The following MYO1B variants were observed in gnomAD, a reference collection of about 807,000 sequenced individuals.
MYO1B encodes unconventional myosin-Ib.
MYO1B carries 72 observed loss-of-function variants against 159.7 expected under a neutral mutation model. That is an observed-to-expected ratio of 0.45 (90% CI 0.37 to 0.55). The LOEUF (loss-of-function observed/expected upper bound fraction) is 0.55. MYO1B is among the 20% of genes least tolerant of loss of function. The pLI, the probability that MYO1B is intolerant of heterozygous loss-of-function variation, is 0.00. For missense variants in MYO1B, 1,062 were observed against 1,364.8 expected (o/e 0.78, Z 3.50); for synonymous variants, 468 against 473.8 (o/e 0.99, Z 0.16).
Position 191,414,133 on chromosome 2 carries a change from A to G in MYO1B, c.2959A>G (p.Ile987Val), listed in dbSNP as rs143250544. ...ACTCAAAGATGCCATTGAAGAAAAG[A>G]TCATCATTGCTGAAGTCGTGAACAA... is the stretch of plus-strand genomic sequence containing the variant. Reference protein sequence around the residue: ...KKLKDAIEEKIIIAEVVNKIN... With the variant: ...KKLKDAIEEKVIIAEVVNKIN... The change falls in exon 28 of 31, where the codon ATC becomes GTC. Residue 987 changes from isoleucine (I) to valine (V), a missense_variant. This residue lies in a region of MYO1B where 609 missense variants were observed against 744.4 expected (regional missense o/e 0.82). Coordinates refer to ENST00000392318, the MANE Select transcript of MYO1B (RefSeq NM_001130158.3). 11 of 1,613,646 alleles carry G rather than the reference A, an allele frequency of 6.8e-6. No individual in the cohort carries two copies. The African/African-American group carries it at 1.5e-4, about 22-fold the overall frequency.
chr2:191,256,484 C>A (rs2125675476), intron 1 of MYO1B, among the ~76,000 whole-genome samples: 1 of 152,242 alleles, frequency 6.6e-6, no homozygotes. Flanking sequence ...CCTCCTCCCC[C>A]ACACCAGATA....
At chr2:191,350,645 A>T (rs1171963000) in intron 7 of MYO1B, among the ~76,000 whole-genome samples, 1 of 152,116 alleles carries the variant, frequency 6.6e-6, no homozygotes, top group Admixed American at 6.5e-5. Context: ...ATTCAATAAA[A>T]GGAGTAGACC....
At chr2:191,294,564 C>T (rs969125063) in intron 2 of MYO1B, among the ~76,000 whole-genome samples, 29 of 152,156 alleles carry the variant, frequency 1.9e-4, no homozygotes, top group Admixed American at 1.4e-3. Flanking sequence ...GAGACATCTC[C>T]CATCTCCTAG....
intron 4 of MYO1B, among the ~76,000 whole-genome samples, chr2:191,330,337 G>A (rs1303157493): frequency 6.6e-6 from 1 of 152,148 alleles, no homozygotes; most frequent in African/African-American, 2.4e-5. Context: ...TGCTGTTACA[G>A]ATTCAAACTG....
rs374174974 is a variant in MYO1B at position 191,278,483 on chromosome 2, AGTC to A, written c.135+1454_135+1456del. 6.0e-3 allele frequency among the ~76,000 whole-genome samples: 915 copies of A among 152,366 alleles called. 3 individuals are homozygous for A. The highest frequency in any genetic ancestry group is 9.5e-3 in the South Asian group (46 of 4,832). Reference sequence around the variant, plus strand: ...TTGAGTAATGTATTTATGAGATAGTAGTCATCCTCTAGGAATTGACCTTTTCAT... The same window carrying A: ...TTGAGTAATGTATTTATGAGATAGTAATCCTCTAGGAATTGACCTTTTCAT... On this transcript the variant is annotated intron_variant, in intron 2 of 30. Transcript: ENST00000392318.
At position 191,341,518 on chromosome 2, in the gene MYO1B, TTAA is replaced by T; in HGVS notation, c.406_408del (p.Asn136del). On this transcript the variant is annotated inframe_deletion, in exon 5 of 31. Coordinates refer to ENST00000392318, the MANE Select transcript of MYO1B (RefSeq NM_001130158.3). ...GCTGTTTGTGGAAAAGGAGCAGAAG[TTAA>T]TCAAGTTAAAGAACAGCTTTTACAG... 1.2e-6 allele frequency: 2 copies of T among 1,614,054 alleles called. No individual in the cohort carries two copies. The highest frequency in any genetic ancestry group is 1.7e-6 in the Non-Finnish European group (2 of 1,179,960).
At chr2:191,387,726 TTTA>T (rs1357478742) in intron 17 of MYO1B, 14 of 431,476 alleles carry the variant, frequency 3.2e-5, no homozygotes, top group African/African-American at 5.9e-5. Flanking sequence ...TTTCTGTATG[TTTA>T]TTATTATTTT....
chr2:191,400,437 C>T lies in MYO1B; in HGVS notation c.2351C>T (p.Thr784Met), dbSNP rs761604958. 77 of 1,613,988 alleles carry T rather than the reference C, an allele frequency of 4.8e-5. No homozygotes were observed. Among genetic ancestry groups the T allele is most frequent in the Non-Finnish European group, 6.3e-5 (74 of 1,180,024 alleles). Residue 784 changes from threonine to methionine, a missense_variant, in exon 22 of 31, where the codon ACG becomes ATG. This residue lies in a region of MYO1B where 609 missense variants were observed against 744.4 expected (regional missense o/e 0.82). Transcript: ENST00000392318. ...KHQKRCKEAV[T>M]TIAAYWHGTQ... The stretch of plus-strand genomic sequence containing the variant: ...CAAAAGCGCTGTAAGGAAGCAGTCA[C>T]GACCATTGCTGCATATTGGCATGGG...
intron 3 of MYO1B, among the ~76,000 whole-genome samples, chr2:191,313,780 A>G (rs947258553): frequency 6.6e-6 from 1 of 152,148 alleles, no homozygotes; most frequent in Non-Finnish European, 1.5e-5. Context: ...CAGCCTCCCA[A>G]AGTGCTGAGA....
chr2:191,400,971 C>A, intron 23 of MYO1B, 136 bp downstream of exon 23: 1 of 784,934 alleles, frequency 1.3e-6, no homozygotes, highest in Non-Finnish European at 2.0e-6. Flanking sequence ...CCAGATTTAA[C>A]ACACCTGGAA....
chr2:191,351,554 A>T (rs1692927219), intron 7 of MYO1B, among the ~76,000 whole-genome samples: 1 of 152,210 alleles, frequency 6.6e-6, no homozygotes, highest in South Asian at 2.1e-4. Flanking sequence ...GATGAATTCC[A>T]TGGTTCTTCC....
At chr2:191,415,743 G>C (rs1188873571) in intron 29 of MYO1B, among the ~76,000 whole-genome samples, 1 of 152,166 alleles carries the variant, frequency 6.6e-6, no homozygotes, top group East Asian at 1.9e-4. Flanking sequence ...TCCTTCAGAA[G>C]AGTTGCGGGA....
At chr2:191,394,816 A>G (rs1695967452) in intron 20 of MYO1B, among the ~76,000 whole-genome samples, 1 of 152,252 alleles carries the variant, frequency 6.6e-6, no homozygotes, top group South Asian at 2.1e-4. Flanking sequence ...GTCACGATTT[A>G]TCATTAGTTC....
intron 2 of MYO1B, among the ~76,000 whole-genome samples, chr2:191,282,157 CT>C (rs1233149351): frequency 1.3e-5 from 2 of 152,080 alleles, no homozygotes; most frequent in Admixed American, 1.3e-4. Context: ...ATCTCTGTTC[CT>C]GGGAATTTGG....
intron 1 of MYO1B, among the ~76,000 whole-genome samples, chr2:191,266,073 C>T (rs1432691179): frequency 2.6e-5 from 4 of 152,154 alleles, no homozygotes; most frequent in African/African-American, 9.7e-5. Context: ...TGCCATGACT[C>T]TGTAGAGCTT....
rs191781379 is a variant in MYO1B, at chr2:191,279,465, A to G, written c.135+2435A>G. ...ATAGGGCATGGGGACAGGGAAGGTT[A>G]CTCTTTTAGACCTCTGTATTGTAGG... is the stretch of plus-strand genomic sequence containing the variant. On this transcript the variant is annotated intron_variant, in intron 2 of 30. Coordinates refer to ENST00000392318, the MANE Select transcript of MYO1B (RefSeq NM_001130158.3). Among the ~76,000 whole-genome samples the G allele has an allele frequency of 1.6e-4, 25 of 151,998 alleles. No individual in the cohort carries two copies. The East Asian group carries it at 4.8e-3, about 29-fold the overall frequency.
At chr2:191,374,566 C>A (rs1459990887) in intron 13 of MYO1B, among the ~76,000 whole-genome samples, 1 of 152,174 alleles carries the variant, frequency 6.6e-6, no homozygotes, top group Admixed American at 6.5e-5. Flanking sequence ...GAAACTGATG[C>A]ATTAAACCAT....
At position 191,247,140 on chromosome 2, in the gene MYO1B, G is replaced by A. The variant is rs143034362; in HGVS notation, c.-10+1514G>A. On this transcript the variant is annotated intron_variant, in intron 1 of 30. Coordinates refer to ENST00000392318, the MANE Select transcript of MYO1B (RefSeq NM_001130158.3). ...TTCCAGGCATTCATGGTTTGTGCCT[G>A]TGGGACACTGGTGGGAGGATTCCCA... Among the ~76,000 whole-genome samples the A allele has an allele frequency of 6.3e-4, 96 of 152,234 alleles. 1 individual carries two copies. The East Asian group carries it at 0.011, about 17-fold the overall frequency.
chr2:191,299,121 A>G (rs547908879), intron 3 of MYO1B, among the ~76,000 whole-genome samples: 2 of 152,166 alleles, frequency 1.3e-5, no homozygotes, highest in Non-Finnish European at 2.9e-5. Context: ...TTAGAAGTCT[A>G]TTCTAGGTCA....
Sources: allele counts gnomAD v4.1 joint callset (sites outside exome capture counted in the v4.1 genomes callset), GRCh38; gene constraint gnomAD v4.1.1; regional missense constraint gnomAD v4.1.1; transcripts MANE v1.5; gene names NCBI Gene and HGNC (gene_info 2026-07-23, HGNC 2026-07-21).